Variants in TOP6BL observed in about 807,000 individuals in gnomAD.
The protein encoded by TOP6BL is TOP6B like initiator of meiotic double strand breaks.
chr11:66,781,398 G>A, the TOP6BL span, among the ~76,000 whole-genome samples: 1 of 151,858 alleles, frequency 6.6e-6, no homozygotes, highest in East Asian at 1.9e-4. Flanking sequence ...ATTTCTTTTT[G>A]GTTCTTTTTG....
chr11:66,795,143 A>T, the TOP6BL span, among the ~76,000 whole-genome samples: 12 of 149,816 alleles, frequency 8.0e-5, no homozygotes, highest in Non-Finnish European at 1.5e-4. Context: ...TCAAAAAAAA[A>T]TATATATATA....
chr11:66,764,496 C>CAAA, the TOP6BL span, among the ~76,000 whole-genome samples: 125 of 58,668 alleles, frequency 2.1e-3, 1 homozygote, highest in African/African-American at 6.1e-3. Context: ...ACTAAAAATA[C>CAAA]AAAAAAAAAA....
At chr11:66,825,111 G>A in the TOP6BL span, among the ~76,000 whole-genome samples, 8 of 151,578 alleles carry the variant, frequency 5.3e-5, no homozygotes, top group Admixed American at 4.6e-4. Context: ...TGATCCACCC[G>A]CCTTGGCCTC....
chr11:66,762,032 T>G, the TOP6BL span: 1 of 1,479,022 alleles, frequency 6.8e-7, no homozygotes, highest in Non-Finnish European at 9.4e-7. Flanking sequence ...CAGTGATTTT[T>G]TCCCCCCAGC....
chr11:66,746,042 C>T, the TOP6BL span, among the ~76,000 whole-genome samples: 9 of 152,102 alleles, frequency 5.9e-5, no homozygotes, highest in African/African-American at 1.9e-4. Context: ...AACTTCTGAC[C>T]TCAAGTGATC....
chr11:66,790,955 G>A, the TOP6BL span, among the ~76,000 whole-genome samples: 1 of 152,140 alleles, frequency 6.6e-6, no homozygotes, highest in South Asian at 2.1e-4. Flanking sequence ...ATAGTCAAAC[G>A]GCATTAGCCT....
the TOP6BL span, among the ~76,000 whole-genome samples, chr11:66,787,963 C>G: frequency 6.6e-6 from 1 of 152,152 alleles, no homozygotes; most frequent in Non-Finnish European, 1.5e-5. Context: ...GTTAAATGTC[C>G]TAATCCCATA....
chr11:66,826,810 G>A, the TOP6BL span, among the ~76,000 whole-genome samples: 1 of 151,412 alleles, frequency 6.6e-6, no homozygotes, highest in Non-Finnish European at 1.5e-5. Flanking sequence ...AGCCTCCCCA[G>A]TAGCTGGGAT....
At chr11:66,828,038 A>T in the TOP6BL span, among the ~76,000 whole-genome samples, 1 of 150,548 alleles carries the variant, frequency 6.6e-6, no homozygotes. Context: ...TCTTGCTTAG[A>T]TGACAGAAGT....
chr11:66,836,248 ACT>A, the TOP6BL span, among the ~76,000 whole-genome samples: 1 of 151,750 alleles, frequency 6.6e-6, no homozygotes, highest in South Asian at 2.1e-4. Context: ...ACGGAGTCTC[ACT>A]CTGTTGCCCA....
At chr11:66,835,890 C>T in the TOP6BL span, among the ~76,000 whole-genome samples, 1 of 152,138 alleles carries the variant, frequency 6.6e-6, no homozygotes, top group African/African-American at 2.4e-5. Context: ...ATGCTTGTAA[C>T]TGTCTTGGGT....
At chr11:66,833,439 G>A in the TOP6BL span, among the ~76,000 whole-genome samples, 2 of 152,092 alleles carry the variant, frequency 1.3e-5, no homozygotes, top group East Asian at 3.8e-4. Flanking sequence ...ACAAATTCTG[G>A]GGGTTAGGAT....
chr11:66,824,749 A>G, the TOP6BL span, among the ~76,000 whole-genome samples: 18 of 152,038 alleles, frequency 1.2e-4, no homozygotes, highest in Admixed American at 3.9e-4. Context: ...TTCCAGTTTC[A>G]TGCATGTCCC....
chr11:66,746,709 C>T, the TOP6BL span, among the ~76,000 whole-genome samples: 1 of 150,342 alleles, frequency 6.7e-6, no homozygotes, highest in Admixed American at 6.6e-5. Context: ...AGCAAAACTC[C>T]ATCTCAAAAA....
chr11:66,772,518 C>T, the TOP6BL span, among the ~76,000 whole-genome samples: 15 of 152,010 alleles, frequency 9.9e-5, no homozygotes, highest in Admixed American at 2.0e-4. Context: ...CCTGTAATCT[C>T]AGCACTTTGG....
chr11:66,761,910 A>G, the TOP6BL span: 4 of 1,309,680 alleles, frequency 3.1e-6, no homozygotes, highest in African/African-American at 1.5e-5. Context: ...TATAGCTTCA[A>G]CCACGAAATG....
At chr11:66,761,966 G>A in the TOP6BL span, 1 of 1,564,136 alleles carries the variant, frequency 6.4e-7, no homozygotes, top group South Asian at 1.1e-5. Flanking sequence ...GCCCTTGCGA[G>A]GGTTCCTCCT....
At chr11:66,758,647 AGAAG>A in the TOP6BL span, among the ~76,000 whole-genome samples, 1 of 152,132 alleles carries the variant, frequency 6.6e-6, no homozygotes, top group Non-Finnish European at 1.5e-5. Context: ...ATTGGTTAGA[AGAAG>A]AGCCAAAGTT....
the TOP6BL span, among the ~76,000 whole-genome samples, chr11:66,760,399 A>G: frequency 6.6e-6 from 1 of 150,900 alleles, no homozygotes; most frequent in Non-Finnish European, 1.5e-5. Context: ...CAGTGAGCCA[A>G]GATCATACCA....
Sources: allele counts gnomAD v4.1 joint callset (sites outside exome capture counted in the v4.1 genomes callset), GRCh38; gene constraint gnomAD v4.1.1; transcripts MANE v1.5; gene names NCBI Gene and HGNC (gene_info 2026-07-23, HGNC 2026-07-21).